Variants in TLE1 observed in about 807,000 individuals in gnomAD.
TLE1 encodes the protein TLE family member 1, transcriptional corepressor.
Under a neutral mutation model 89.8 loss-of-function variants are expected in TLE1, and 21 were observed. The ratio of observed to expected loss-of-function variants is 0.23; its 90% CI spans 0.17 to 0.34. The LOEUF (loss-of-function observed/expected upper bound fraction) is 0.34. Among genes scored for constraint, TLE1 ranks in the 10% least tolerant of loss-of-function variants. TLE1 has a pLI of 1.00. For missense variants in TLE1, 795 were observed against 1,031.2 expected (o/e 0.77, Z 3.14); for synonymous variants, 447 against 407.6 (o/e 1.10, Z -1.16).
intron 16 of TLE1, among the ~76,000 whole-genome samples, chr9:81,589,327 T>C (rs1033893715): frequency 2.6e-5 from 4 of 152,188 alleles, no homozygotes; most frequent in Non-Finnish European, 5.9e-5. Context: ...TCTCCGTCCA[T>C]ATACTATACT....
chr9:81,688,089 T>TC (rs996494813), intron 1 of TLE1, 128 bp downstream of exon 1: 2 of 1,236,002 alleles, frequency 1.6e-6, no homozygotes, highest in Non-Finnish European at 2.3e-6. Flanking sequence ...GCCCCAGACC[T>TC]CCCCAGCCTT....
intron 4 of TLE1, among the ~76,000 whole-genome samples, chr9:81,657,723 T>C (rs1830308702): frequency 6.6e-6 from 1 of 152,104 alleles, no homozygotes. Flanking sequence ...CTAAGGATGC[T>C]CAAGTCCTTT....
At chr9:81,632,128 C>T (rs893523055) in intron 8 of TLE1, among the ~76,000 whole-genome samples, 3 of 107,988 alleles carry the variant, frequency 2.8e-5, no homozygotes, top group East Asian at 1.4e-3. Context: ...CCTGGAATGG[C>T]AAAACAATAA....
chr9:81,640,294 A>G (rs976484925), intron 6 of TLE1, among the ~76,000 whole-genome samples: 2 of 152,072 alleles, frequency 1.3e-5, no homozygotes, highest in African/African-American at 2.4e-5. Flanking sequence ...TCAACATTCA[A>G]TCACATTCAC....
intron 14 of TLE1, among the ~76,000 whole-genome samples, chr9:81,608,306 C>G (rs949491726): frequency 1.3e-5 from 2 of 152,092 alleles, no homozygotes; most frequent in African/African-American, 4.8e-5. Flanking sequence ...CACAAGTGCC[C>G]CAACGACCAG....
chr9:81,587,708 C>T lies in TLE1; in HGVS notation c.1950G>A (p.Gln650=), dbSNP rs1199522889. The T allele has an allele frequency of 2.5e-6, 4 of 1,613,538 alleles. No individual in the cohort carries two copies. Among genetic ancestry groups the T allele is most frequent in the Admixed American group, 1.7e-5 (1 of 59,972 alleles). Residue 650 remains glutamine (Q), a synonymous_variant, in exon 17 of 20, where the codon CAG becomes CAA. Coordinates refer to ENST00000376499, the MANE Select transcript of TLE1 (RefSeq NM_005077.5). The part of the protein sequence containing the change: ...VRSWDLREGR[Q]LQQHDFTSQI... ...GGGAGGTGAAGTCGTGCTGCTGCAG[C>T]TGCCGCCCCTCGCGCAGGTCCCAGG...
At chr9:81,641,897 C>T (rs773900803) in intron 6 of TLE1, among the ~76,000 whole-genome samples, 6 of 152,184 alleles carry the variant, frequency 3.9e-5, no homozygotes, top group Non-Finnish European at 7.3e-5. Context: ...TGGCGCATGC[C>T]TGCAATCCCA....
chr9:81,618,980 G>C (rs548741349), intron 9 of TLE1, among the ~76,000 whole-genome samples: 2 of 139,646 alleles, frequency 1.4e-5, no homozygotes, highest in Non-Finnish European at 3.3e-5. Context: ...TATCCAACCA[G>C]ACAAACCTAG....
intron 15 of TLE1, 78 bp downstream of exon 15, chr9:81,592,947 A>C (rs1829748556): frequency 6.5e-7 from 1 of 1,538,918 alleles, no homozygotes; most frequent in Admixed American, 1.9e-5. Flanking sequence ...TGGGAATAAA[A>C]CCCAGGCCCA....
At chr9:81,588,589 C>T (rs1828983628) in intron 16 of TLE1, among the ~76,000 whole-genome samples, 1 of 152,118 alleles carries the variant, frequency 6.6e-6, no homozygotes, top group Non-Finnish European at 1.5e-5. Context: ...ATTCAAAAAT[C>T]GCCATCAGAA....
In TLE1 at chr9:81,688,417, G is replaced by A. The variant is rs1230837666; in HGVS notation, c.-177C>T. 1 of 602,502 alleles carries A rather than the reference G, an allele frequency of 1.7e-6. No homozygotes were observed. Among genetic ancestry groups the A allele is most frequent in the Non-Finnish European group, 2.7e-6 (1 of 376,838 alleles). The allele number at this position is 602,502 out of a possible 1,614,324, so 37.3% of individuals were successfully genotyped here. On this transcript the variant is annotated 5_prime_UTR_variant, in exon 1 of 20. Transcript: ENST00000376499. ...CCACTCGGCGCCCGCAGCTGCTCCG[G>A]CTCCCGCTCCCGTCGGTGCGGGCTC...
intron 4 of TLE1, among the ~76,000 whole-genome samples, chr9:81,676,592 T>C (rs1294049170): frequency 6.6e-6 from 1 of 152,090 alleles, no homozygotes; most frequent in Non-Finnish European, 1.5e-5. Context: ...AAAGAAGCAG[T>C]GGCCAAGACA....
intron 14 of TLE1, among the ~76,000 whole-genome samples, chr9:81,605,690 A>G (rs1162837294): frequency 6.6e-6 from 1 of 152,144 alleles, no homozygotes; most frequent in Non-Finnish European, 1.5e-5. Flanking sequence ...AGGCAATACC[A>G]TTCAGGACAT....
rs754953147 is a variant in TLE1, at chr9:81,584,511, C to G, written c.2142G>C (p.Val714=). ...TGAGGAGGTTATCTTTTCCAGTACTCACAAACCATTTACCTAGAATTAGCA... is the reference window on the plus strand; with the variant it reads ...TGAGGAGGTTATCTTTTCCAGTACTGACAAACCATTTACCTAGAATTAGCA... The part of the protein sequence containing the change: ...LKFAYCGKWF[V]STGKDNLLNA... Residue 714 remains valine (V), a synonymous_variant, in exon 19 of 20, where the codon GTG becomes GTC. Coordinates refer to ENST00000376499, the MANE Select transcript of TLE1 (RefSeq NM_005077.5). 2.5e-6 allele frequency: 4 copies of G among 1,614,178 alleles called. No individual in the cohort carries two copies. The highest frequency in any genetic ancestry group is 3.4e-6 in the Non-Finnish European group (4 of 1,180,032).
At chr9:81,630,390 A>AT (rs554722435) in intron 8 of TLE1, among the ~76,000 whole-genome samples, 158 of 152,006 alleles carry the variant, frequency 1.0e-3, no homozygotes, top group African/African-American at 3.6e-3. Context: ...TCCCACTATA[A>AT]TTTTTTTTGC....
intron 6 of TLE1, among the ~76,000 whole-genome samples, chr9:81,650,157 G>A (rs796794091): frequency 2.0e-4 from 31 of 152,186 alleles, no homozygotes; most frequent in African/African-American, 5.8e-4. Context: ...AAAGCCATTC[G>A]TAAAATTAGA....
chr9:81,587,564 C>T, intron 17 of TLE1, 117 bp downstream of exon 17: 1 of 1,339,508 alleles, frequency 7.5e-7, no homozygotes, highest in Non-Finnish European at 9.8e-7. Context: ...TCAAATTCAG[C>T]CCTGATCTGT....
chr9:81,663,069 C>T (rs1420256876), intron 4 of TLE1, among the ~76,000 whole-genome samples: 1 of 152,130 alleles, frequency 6.6e-6, no homozygotes, highest in African/African-American at 2.4e-5. Context: ...TGGTCTCGAA[C>T]TCCTTACCTC....
chr9:81,648,118 A>G (rs1829085150), intron 6 of TLE1, among the ~76,000 whole-genome samples: 1 of 151,934 alleles, frequency 6.6e-6, no homozygotes, highest in South Asian at 2.1e-4. Flanking sequence ...CTAAAAATAC[A>G]AAAATTAGCT....
Sources: allele counts gnomAD v4.1 joint callset (sites outside exome capture counted in the v4.1 genomes callset), GRCh38; gene constraint gnomAD v4.1.1; transcripts MANE v1.5; gene names NCBI Gene and HGNC (gene_info 2026-07-23, HGNC 2026-07-21).